Variants in TTLL7 observed in about 807,000 individuals in gnomAD.
TTLL7 encodes tubulin polyglutamylase TTLL7.
A neutral mutation model predicts 120.2 loss-of-function variants in TTLL7; 53 were observed. The observed-to-expected ratio is 0.44, with a 90% CI of 0.35 to 0.55. The LOEUF (loss-of-function observed/expected upper bound fraction) is 0.55, where lower values mean the gene tolerates loss of function less well. Ranked by LOEUF, TTLL7 falls within the 20% of genes least tolerant of loss-of-function variation. The pLI, the probability that TTLL7 is intolerant of heterozygous loss-of-function variation, is 0.00. For missense variants in TTLL7, 803 were observed against 1,054.7 expected (o/e 0.76, Z 3.31); for synonymous variants, 353 against 351.7 (o/e 1.00, Z -0.04).
At chr1:83,919,860 T>C in intron 12 of TTLL7, 26 bp from the exon 13 acceptor site, 1 of 1,604,246 alleles carries the variant, frequency 6.2e-7, no homozygotes, top group East Asian at 2.2e-5. Context: ...ATAAACCAAT[T>C]TTTTAAAAAG....
At chr1:83,909,969 A>T (rs2100769148) in intron 15 of TTLL7, among the ~76,000 whole-genome samples, 1 of 152,310 alleles carries the variant, frequency 6.6e-6, no homozygotes, top group Non-Finnish European at 1.5e-5. Context: ...GAAGCAAATG[A>T]TGAAATAGCT....
chr1:83,870,002 C>T lies in TTLL7; in HGVS notation c.2624G>A (p.Arg875His), dbSNP rs200003317. Residue 875 changes from arginine to histidine, a missense_variant, in exon 21 of 21, where the codon CGC (arginine) becomes CAC (histidine). Arg to His is a conservative substitution (Grantham distance 29, BLOSUM62 0). Around this residue, in one of 3 missense-constraint regions of TTLL7, gnomAD observed 388 missense variants for 450.4 expected, o/e 0.86. Transcript: ENST00000260505. ...NLKYNSPGMT[R>H]SNVLFTSRYG... is the part of the protein sequence containing the mutation. ...TCTGGATGTAAACAAAACATTGGAG[C>T]GAGTCATTCCAGGTGAATTGTACTT... 1.7e-5 allele frequency: 27 copies of T among 1,590,518 alleles called. No homozygotes were observed. Among genetic ancestry groups the T allele is most frequent in the South Asian group, 3.5e-5 (3 of 86,380 alleles).
At chr1:83,883,822 T>C (rs1400927473) in intron 19 of TTLL7, among the ~76,000 whole-genome samples, 1 of 152,000 alleles carries the variant, frequency 6.6e-6, no homozygotes, top group African/African-American at 2.4e-5. Context: ...AATACCTTAT[T>C]GTGACCATCC....
chr1:83,933,626 T>C lies in TTLL7; in HGVS notation c.1029A>G (p.Leu343=). The change falls in exon 9 of 21, where the codon CTA becomes CTG. Residue 343 remains leucine, a synonymous_variant. Transcript: ENST00000260505. ...LGFDILLDRK[L]KPWLLEINRA... ...GCCTTACCTCCAGAAGCCATGGCTT[T>C]AGTTTTCTATCCAACAAAATATCAA... 1 of 1,613,316 alleles carries C rather than the reference T, an allele frequency of 6.2e-7. No homozygotes were observed. The highest frequency in any genetic ancestry group is 8.5e-7 in the Non-Finnish European group (1 of 1,179,608).
At chr1:83,915,796 GA>G (rs956760903) in intron 14 of TTLL7, among the ~76,000 whole-genome samples, 9 of 145,062 alleles carry the variant, frequency 6.2e-5, no homozygotes, top group African/African-American at 2.0e-4. Context: ...AAATTTACAA[GA>G]AAAAAAAACA....
At chr1:83,940,169 C>G (rs886391483) in intron 7 of TTLL7, among the ~76,000 whole-genome samples, 6 of 152,010 alleles carry the variant, frequency 3.9e-5, no homozygotes, top group Non-Finnish European at 8.8e-5. Context: ...CTCTCAATCT[C>G]TCTTTGAGAT....
At chr1:83,934,901 A>G (rs1305231220) in intron 8 of TTLL7, among the ~76,000 whole-genome samples, 3 of 152,184 alleles carry the variant, frequency 2.0e-5, no homozygotes, top group Non-Finnish European at 4.4e-5. Flanking sequence ...GACTCTTAGC[A>G]TAGAGCCCAG....
In TTLL7 at chr1:83,883,029, A is replaced by G; in HGVS notation, c.2477T>C (p.Val826Ala). 6.2e-7 allele frequency: 1 copy of G among 1,612,758 alleles called. No homozygotes were observed. The highest frequency in any genetic ancestry group is 1.3e-5 in the African/African-American group (1 of 74,886). ...VELCKQCLLV[V>A]YKYATDKRGS... The stretch of plus-strand genomic sequence containing the variant: ...TCTTTTGTCAGTTGCATATTTGTAA[A>G]CCACTAGCAGGCACTGTTTACAAAG... Residue 826 changes from valine to alanine, a missense_variant, in exon 20 of 21, where the codon GTT (valine) becomes GCT (alanine). Around this residue, in one of 3 missense-constraint regions of TTLL7, gnomAD observed 388 missense variants for 450.4 expected, o/e 0.86. Coordinates refer to ENST00000260505, the MANE Select transcript of TTLL7 (RefSeq NM_024686.6).
At chr1:83,965,177 A>G (rs1557754151) in intron 1 of TTLL7, among the ~76,000 whole-genome samples, 1 of 151,982 alleles carries the variant, frequency 6.6e-6, no homozygotes, top group Non-Finnish European at 1.5e-5. Context: ...TTACAACAAT[A>G]TTGATGTGGT....
At chr1:83,984,698 C>T (rs969538621) in intron 1 of TTLL7, among the ~76,000 whole-genome samples, 1 of 152,124 alleles carries the variant, frequency 6.6e-6, no homozygotes, top group African/African-American at 2.4e-5. Context: ...TGCATGTTCT[C>T]ACTTATAAGT....
intron 10 of TTLL7, among the ~76,000 whole-genome samples, chr1:83,923,730 C>A (rs1004774757): frequency 6.6e-6 from 1 of 152,134 alleles, no homozygotes; most frequent in African/African-American, 2.4e-5. Context: ...TAAATCAGCA[C>A]TAATGACTCT....
chr1:83,932,832 G>A (rs1211940139), intron 9 of TTLL7, among the ~76,000 whole-genome samples: 5 of 152,122 alleles, frequency 3.3e-5, no homozygotes, highest in Non-Finnish European at 5.9e-5. Context: ...GCGGCCACGA[G>A]AAGGTGTGTA....
rs1055057582 is a variant in TTLL7 at position 83,867,878 on chromosome 1, A to G, written c.*2084T>C. On this transcript the variant is annotated 3_prime_UTR_variant, in exon 21 of 21. Transcript: ENST00000260505. ...TTTTCTAAAAAAAAATCCATAGCAT[A>G]TTTAAGAATTCACAAAATGGAGTCA... is the stretch of plus-strand genomic sequence containing the variant. The G allele has an allele frequency of 3.3e-5, 5 of 152,108 alleles. No homozygotes were observed. Among genetic ancestry groups the G allele is most frequent in the Admixed American group, 3.3e-4 (5 of 15,262 alleles). The allele number at this position is 152,108 out of a possible 1,614,324, so 9.4% of individuals were successfully genotyped here. A position where few individuals can be genotyped will look rare whatever the true frequency, so the allele number is the denominator to read the frequency against.
In TTLL7 at chr1:83,950,346, G is replaced by A. The variant is rs146116970; in HGVS notation, c.158-360C>T. Among the ~76,000 whole-genome samples, 45 of 152,028 alleles carry A rather than the reference G, an allele frequency of 3.0e-4. 4 individuals are homozygous for A. In the East Asian group the frequency reaches 7.3e-3, roughly 25 times the overall value. On this transcript the variant is annotated intron_variant, in intron 3 of 20. Transcript: ENST00000260505. ...TTTTATAGCTTTTTTTATGACCTTC[G>A]GTTAGGTACAAAAGACCAAAAGTAA...
chr1:83,964,676 T>G (rs1367952400), intron 1 of TTLL7, among the ~76,000 whole-genome samples: 6 of 152,114 alleles, frequency 3.9e-5, no homozygotes, highest in African/African-American at 1.4e-4. Context: ...CTTTGCAGCT[T>G]TCAGAGCTTC....
chr1:83,936,086 T>C (rs1329942907), intron 8 of TTLL7, among the ~76,000 whole-genome samples: 3 of 152,174 alleles, frequency 2.0e-5, no homozygotes, highest in African/African-American at 7.2e-5. Flanking sequence ...ACATTGGCTA[T>C]GTTTGGGTCA....
chr1:83,889,988 T>G (rs1472785676), intron 19 of TTLL7: 1 of 475,496 alleles, frequency 2.1e-6, no homozygotes, highest in Admixed American at 2.3e-5. Flanking sequence ...ACAGCAGCTT[T>G]AGCAGCACTA....
intron 8 of TTLL7, 35 bp downstream of exon 8, chr1:83,937,817 A>C (rs936839744): frequency 6.2e-7 from 1 of 1,608,102 alleles, no homozygotes; most frequent in Non-Finnish European, 8.5e-7. Flanking sequence ...TTGCTGAGGA[A>C]AGACTGTTAT....
intron 1 of TTLL7, among the ~76,000 whole-genome samples, chr1:83,987,189 T>C (rs1652543847): frequency 6.7e-6 from 1 of 149,836 alleles, no homozygotes; most frequent in South Asian, 2.1e-4. Flanking sequence ...AAATCTAAGA[T>C]AACATGTGCA....
Sources: allele counts gnomAD v4.1 joint callset (sites outside exome capture counted in the v4.1 genomes callset), GRCh38; gene constraint gnomAD v4.1.1; regional missense constraint gnomAD v4.1.1; transcripts MANE v1.5; gene names NCBI Gene and HGNC (gene_info 2026-07-23, HGNC 2026-07-21).